KCNH1: variants seen among roughly 807,000 people sequenced by gnomAD.
The protein encoded by KCNH1 is potassium voltage-gated channel subfamily H member 1, also known as voltage-gated delayed rectifier potassium channel KCNH1.
KCNH1 carries 27 observed loss-of-function variants against 69.2 expected under a neutral mutation model. That is an observed-to-expected ratio of 0.39 (90% CI 0.29 to 0.54). The LOEUF is 0.54. Ranked by LOEUF, KCNH1 falls within the 20% of genes least tolerant of loss-of-function variation. KCNH1 has a pLI of 0.68. For synonymous variants in KCNH1, 456 were observed against 487.7 expected (o/e 0.93, Z 0.86); for missense variants, 798 against 1,261.6 (o/e 0.63, Z 5.57).
intron 6 of KCNH1, among the ~76,000 whole-genome samples, chr1:210,992,285 C>T (rs1366614201): frequency 1.3e-5 from 2 of 152,188 alleles, no homozygotes; most frequent in African/African-American, 4.8e-5. Context: ...GTTATTTTGT[C>T]ATGCCCTTCT....
intron 6 of KCNH1, among the ~76,000 whole-genome samples, chr1:210,987,084 G>A (rs1488008385): frequency 1.3e-5 from 2 of 152,086 alleles, no homozygotes; most frequent in Admixed American, 6.5e-5. Context: ...ATCAGCTACC[G>A]AGGCTTGTGC....
Position 210,775,360 on chromosome 1 carries a change from G to C in KCNH1, c.2100C>G (p.Asn700Lys). 1.2e-6 allele frequency: 2 copies of C among 1,613,982 alleles called. No individual in the cohort carries two copies. Among genetic ancestry groups the C allele is most frequent in the Non-Finnish European group, 1.7e-6 (2 of 1,179,904 alleles). ...SFSRNLILTY[N>K]LRKRIVFRKI... is the part of the protein sequence containing the mutation. ...ACTTTTAGCTCACCCTCTTCCTCAA[G>C]TTGTACGTCAGAATCAGGTTCCGGG... Residue 700 changes from asparagine (N) to lysine (K), a missense_variant, in exon 10 of 11, where the codon AAC (asparagine) becomes AAG (lysine). Physicochemically the swap from Asn to Lys is moderately conservative, Grantham distance 94. Coordinates refer to ENST00000271751, the MANE Select transcript of KCNH1 (RefSeq NM_172362.3).
At chr1:210,922,520 T>G (rs1369063607) in intron 6 of KCNH1, among the ~76,000 whole-genome samples, 2 of 152,188 alleles carry the variant, frequency 1.3e-5, no homozygotes, top group East Asian at 3.9e-4. Context: ...GAATAGATTT[T>G]TGTAGGCCAA....
intron 6 of KCNH1, among the ~76,000 whole-genome samples, chr1:211,013,507 C>T (rs998747288): frequency 2.0e-5 from 3 of 152,156 alleles, no homozygotes; most frequent in Non-Finnish European, 4.4e-5. Flanking sequence ...GAGAAAGGGC[C>T]CCAGGGACTG....
In KCNH1 at chr1:210,919,878, C is replaced by T; in HGVS notation, c.1224G>A (p.Glu408=). 1 of 1,614,144 alleles carries T rather than the reference C, an allele frequency of 6.2e-7. No homozygotes were observed. ...YSIGDYEIFD[E]DTKTIRNNSW... is the part of the protein sequence containing the mutation. ...TGTTGTTGCGGATTGTCTTGGTGTC[C>T]TCGTCAAAGATCTCATAGTCCCCAA... is the stretch of plus-strand genomic sequence containing the variant. Residue 408 remains glutamate (E), a synonymous_variant, in exon 7 of 11, where the codon GAG becomes GAA. Coordinates refer to ENST00000271751, the MANE Select transcript of KCNH1 (RefSeq NM_172362.3). The surrounding 1 kb of genome is among the most constrained non-coding windows in gnomAD (Gnocchi z 4.2).
At chr1:210,987,244 C>T (rs994921370) in intron 6 of KCNH1, among the ~76,000 whole-genome samples, 2 of 152,208 alleles carry the variant, frequency 1.3e-5, no homozygotes, top group East Asian at 3.9e-4. Context: ...TCCTTTAGCT[C>T]GGAGTAGTTT....
At position 210,797,688 on chromosome 1, in the gene KCNH1, G is replaced by A. The variant is rs751257897; in HGVS notation, c.1735C>T (p.His579Tyr). Residue 579 changes from histidine to tyrosine, a missense_variant, in exon 9 of 11, where the codon CAC (histidine) becomes TAC (tyrosine). Around this residue, in one of 4 missense-constraint regions of KCNH1, gnomAD observed 197 missense variants for 407.7 expected, o/e 0.48. Coordinates refer to ENST00000271751, the MANE Select transcript of KCNH1 (RefSeq NM_172362.3). The stretch of plus-strand genomic sequence containing the variant: ...TCACTGGCCAGCCGGAAGGCCGGGT[G>A]CTCCTTGAACACCTTGCGGTTCAGG... ...VHLNRKVFKE[H>Y]PAFRLASDGC... 1 of 1,614,214 alleles carries A rather than the reference G, an allele frequency of 6.2e-7. No homozygotes were observed. The highest frequency in any genetic ancestry group is 8.5e-7 in the Non-Finnish European group (1 of 1,180,038).
intron 7 of KCNH1, among the ~76,000 whole-genome samples, chr1:210,871,766 A>G (rs1379238482): frequency 1.3e-5 from 2 of 151,408 alleles, no homozygotes; most frequent in African/African-American, 4.9e-5. Flanking sequence ...CATGGATGAA[A>G]CTGGAAATCA....
chr1:210,974,895 T>A (rs1189299893), intron 6 of KCNH1, among the ~76,000 whole-genome samples: 1 of 152,158 alleles, frequency 6.6e-6, no homozygotes, highest in East Asian at 1.9e-4. Context: ...TGTGCTATTA[T>A]CATACATATC....
intron 8 of KCNH1, among the ~76,000 whole-genome samples, chr1:210,798,850 A>C (rs926196104): frequency 6.6e-5 from 10 of 152,246 alleles, no homozygotes; most frequent in Middle Eastern, 3.2e-3. Flanking sequence ...ATTTAAAGAC[A>C]GATATAAAGT....
intron 10 of KCNH1, among the ~76,000 whole-genome samples, chr1:210,731,078 G>A (rs1682737696): frequency 6.6e-6 from 1 of 152,158 alleles, no homozygotes; most frequent in South Asian, 2.1e-4. Flanking sequence ...GGAAGAAAAG[G>A]TTTGAGAGTT....
At chr1:210,908,009 A>G (rs2102545294) in intron 7 of KCNH1, among the ~76,000 whole-genome samples, 1 of 152,364 alleles carries the variant, frequency 6.6e-6, no homozygotes, top group African/African-American at 2.4e-5. Flanking sequence ...GAGGAGACGC[A>G]TTTGGATAAA....
chr1:211,041,352 A>C (rs1689991712), intron 5 of KCNH1, among the ~76,000 whole-genome samples: 1 of 152,124 alleles, frequency 6.6e-6, no homozygotes, highest in African/African-American at 2.4e-5. Flanking sequence ...TGGTACCACA[A>C]AGATGTGCAG....
intron 5 of KCNH1, among the ~76,000 whole-genome samples, chr1:211,051,022 G>A (rs1274546171): frequency 1.4e-5 from 2 of 144,132 alleles, no homozygotes; most frequent in East Asian, 2.0e-4. Flanking sequence ...TTTGAGAGAA[G>A]AGTCTTGCTC....
chr1:210,838,052 AG>A (rs1262189269), intron 7 of KCNH1, among the ~76,000 whole-genome samples: 1 of 152,206 alleles, frequency 6.6e-6, no homozygotes, highest in African/African-American at 2.4e-5. Context: ...CTAAGCAAAA[AG>A]GACAAAGCTG....
At position 210,824,177 on chromosome 1, in the gene KCNH1, G is replaced by T. The variant is rs537070195; in HGVS notation, c.1463-20011C>A. Among the ~76,000 whole-genome samples the T allele has an allele frequency of 4.0e-5, 6 of 151,866 alleles. No individual in the cohort carries two copies. The East Asian group carries it at 9.7e-4, about 25-fold the overall frequency. ...AAATGTGACCCCCCCTTAAATCTGG[G>T]TTCCAAATTTATTGGTCTTAGGACT... On this transcript the variant is annotated intron_variant, in intron 7 of 10. Coordinates refer to ENST00000271751, the MANE Select transcript of KCNH1 (RefSeq NM_172362.3).
chr1:210,916,680 A>G (rs2102556428), intron 7 of KCNH1, among the ~76,000 whole-genome samples: 1 of 152,278 alleles, frequency 6.6e-6, no homozygotes, highest in South Asian at 2.1e-4. Flanking sequence ...TGGAGATAAT[A>G]ATCTCTAACA....
intron 10 of KCNH1, among the ~76,000 whole-genome samples, chr1:210,687,884 G>C (rs886691293): frequency 6.6e-6 from 1 of 152,146 alleles, no homozygotes; most frequent in African/African-American, 2.4e-5. Context: ...CATGGCAAGA[G>C]TGTATCCTGG....
intron 6 of KCNH1, among the ~76,000 whole-genome samples, chr1:210,971,846 T>C (rs1390540917): frequency 1.3e-5 from 2 of 152,170 alleles, no homozygotes; most frequent in Non-Finnish European, 2.9e-5. Context: ...TAAAGATATA[T>C]ATACTTCATA....
Sources: allele counts gnomAD v4.1 joint callset (sites outside exome capture counted in the v4.1 genomes callset), GRCh38; gene constraint gnomAD v4.1.1; regional missense constraint gnomAD v4.1.1; non-coding constraint Gnocchi (gnomAD v3.1); transcripts MANE v1.5; gene names NCBI Gene and HGNC (gene_info 2026-07-23, HGNC 2026-07-21).